MTRR: variants seen among roughly 807,000 people sequenced by gnomAD.
MTRR encodes 5-methyltetrahydrofolate-homocysteine methyltransferase reductase.
Under a neutral mutation model 79.2 loss-of-function variants are expected in MTRR, and 63 were observed. The ratio of observed to expected loss-of-function variants is 0.80; its 90% CI spans 0.65 to 0.98. MTRR has a LOEUF of 0.98. MTRR is among the 50% of genes least tolerant of loss of function. MTRR has a pLI of 0.00. For synonymous variants in MTRR, 355 were observed against 313.3 expected, an observed-to-expected ratio of 1.13 and a Z score of -1.41; for missense variants, 895 against 839.6, an observed-to-expected ratio of 1.07 and a Z score of -0.82.
At chr5:7,861,750 T>C in intron 1 of MTRR, 1 of 1,504,294 alleles carries the variant, frequency 6.6e-7, no homozygotes. Flanking sequence ...CCTTCCACCT[T>C]GCATTGATCA....
chr5:7,877,503 CAAA>C (rs11324670), intron 4 of MTRR, among the ~76,000 whole-genome samples: 12 of 100,472 alleles, frequency 1.2e-4, no homozygotes, highest in African/African-American at 1.8e-4. Flanking sequence ...ATTGGCTAGG[CAAA>C]AAAAAAAAAA....
At chr5:7,871,421 A>T (rs1747981566) in intron 2 of MTRR, among the ~76,000 whole-genome samples, 1 of 152,208 alleles carries the variant, frequency 6.6e-6, no homozygotes, top group Non-Finnish European at 1.5e-5. Flanking sequence ...CTAGTTGTTT[A>T]TGTTCAGTCT....
upstream of MTRR, chr5:7,867,177 G>A (rs1179906612): frequency 6.2e-7 from 1 of 1,614,122 alleles, no homozygotes. Flanking sequence ...AGAACCACCA[G>A]GGCAGTGAGC....
At chr5:7,856,131 T>C (rs1383909028) in intron 1 of MTRR, among the ~76,000 whole-genome samples, 1 of 152,166 alleles carries the variant, frequency 6.6e-6, no homozygotes, top group Non-Finnish European at 1.5e-5. Flanking sequence ...AAGAAGCCGA[T>C]TCAGGTCCCT....
intron 6 of MTRR, 113 bp downstream of exon 6, chr5:7,883,390 G>T: frequency 2.9e-6 from 4 of 1,402,512 alleles, no homozygotes; most frequent in East Asian, 2.5e-5. Context: ...TACATATGCT[G>T]AGTTGTGTGC....
In MTRR at chr5:7,892,821, T is replaced by C. The variant is rs770232997; in HGVS notation, c.1465T>C (p.Cys489Arg). ...AACAGAGGTTCTGCGGAAGGGAGTA[T>C]GTACAGGCTGGCTGGCCTTGTTGGT... ...ATTEVLRKGV[C>R]TGWLALLVAS... Residue 489 changes from cysteine to arginine, a missense_variant, in exon 11 of 15, where the codon TGT (cysteine) becomes CGT (arginine). By Grantham distance (180) the Cys-to-Arg change is radical. Transcript: ENST00000440940. The C allele has an allele frequency of 6.2e-7, 1 of 1,614,212 alleles. No individual in the cohort carries two copies. The highest frequency in any genetic ancestry group is 8.5e-7 in the Non-Finnish European group (1 of 1,180,030).
At chr5:7,889,416 G>T (rs1255055025) in intron 9 of MTRR, 141 bp downstream of exon 9, 3 of 880,960 alleles carry the variant, frequency 3.4e-6, no homozygotes, top group East Asian at 5.3e-5. Flanking sequence ...ATGAATGGTG[G>T]TGATTGGTAA....
intron 8 of MTRR, among the ~76,000 whole-genome samples, chr5:7,888,171 G>C (rs796365979): frequency 2.6e-4 from 39 of 152,178 alleles, no homozygotes; most frequent in African/African-American, 8.9e-4. Flanking sequence ...CTTACTTGAA[G>C]TATATTTGTA....
chr5:7,853,331 C>T (rs568019685), intron 1 of MTRR, among the ~76,000 whole-genome samples: 11 of 152,236 alleles, frequency 7.2e-5, no homozygotes, highest in Non-Finnish European at 1.3e-4. Context: ...TGCTTTCTGC[C>T]GTGATTGTAA....
chr5:7,885,614 T>C, intron 6 of MTRR, 87 bp from the exon 7 acceptor site: 5 of 1,267,302 alleles, frequency 3.9e-6, no homozygotes, highest in Non-Finnish European at 5.6e-6. Flanking sequence ...AATCATAATA[T>C]TGAAAACTAT....
rs202195725 is a variant in MTRR, at chr5:7,862,758, CAT to C, written n.498+706_498+707del. 1.2e-3 allele frequency: 1,630 copies of C among 1,367,972 alleles called. 11 individuals are homozygous for C. In the African/African-American group the frequency reaches 0.018, roughly 15 times the overall value. The allele number at this position is 1,367,972 out of a possible 1,614,324, so 84.7% of individuals were successfully genotyped here. A position where few individuals can be genotyped will look rare whatever the true frequency, so the allele number is the denominator to read the frequency against. On this transcript the variant is annotated intron_variant and non_coding_transcript_variant, in intron 2 of 3. Coordinates refer to the MTRR transcript ENST00000502509. ...GAGAACTTCTATTGCTTCTAAGTCC[CAT>C]ATATCTCCAAAATCGAACAGGATGC...
intron 7 of MTRR, among the ~76,000 whole-genome samples, chr5:7,886,279 T>G (rs1277763350): frequency 6.6e-6 from 1 of 152,174 alleles, no homozygotes; most frequent in African/African-American, 2.4e-5. Flanking sequence ...ATTATTTACT[T>G]AGAATCTTGA....
At chr5:7,872,901 C>CT (rs1344291289) in intron 2 of MTRR, among the ~76,000 whole-genome samples, 3 of 152,156 alleles carry the variant, frequency 2.0e-5, no homozygotes, top group African/African-American at 7.2e-5. Context: ...CTTGGCAGCT[C>CT]ATCACAGTGC....
At chr5:7,869,933 G>A in intron 1 of MTRR, 1 of 532,968 alleles carries the variant, frequency 1.9e-6, no homozygotes, top group Non-Finnish European at 2.4e-6. Flanking sequence ...TTTCATGCCA[G>A]GTGCCGTTCT....
intron 2 of MTRR, 88 bp from the exon 3 acceptor site, chr5:7,873,285 C>T: frequency 6.5e-7 from 1 of 1,531,344 alleles, no homozygotes; most frequent in Non-Finnish European, 9.0e-7. Flanking sequence ...AAATACAAGA[C>T]AGGAAACTAA....
chr5:7,890,482 A>AT lies in MTRR; in HGVS notation c.1328-884dup, dbSNP rs200556323. 6.2e-5 allele frequency: 56 copies of AT among 909,138 alleles called. No homozygotes were observed. In the East Asian group the frequency reaches 5.3e-3, roughly 86 times the overall value. 56.3% of individuals were successfully genotyped at this position (909,138 alleles called of 1,614,324 possible). On this transcript the variant is annotated intron_variant, in intron 9 of 14. Coordinates refer to ENST00000440940, the MANE Select transcript of MTRR (RefSeq NM_002454.3). ...TAATTTATTTCAATTCTTTTCGTAG[A>AT]TTTTTTGTTACCTTTTAGAATGTTA... is the stretch of plus-strand genomic sequence containing the variant.
chr5:7,861,710 CTGTATT>C, intron 1 of MTRR: 1 of 1,569,670 alleles, frequency 6.4e-7, no homozygotes. Flanking sequence ...CACTATCTTC[CTGTATT>C]CATTCCTTTG....
intron 11 of MTRR, 159 bp downstream of exon 11, chr5:7,893,072 T>A: frequency 1.3e-6 from 1 of 766,180 alleles, no homozygotes; most frequent in Non-Finnish European, 2.1e-6. Context: ...GAAAACTGTT[T>A]ACTTCCATGT....
At chr5:7,897,788 T>C (rs368036664) in intron 14 of MTRR, among the ~76,000 whole-genome samples, 164 of 152,332 alleles carry the variant, frequency 1.1e-3, no homozygotes, top group Middle Eastern at 3.4e-3. Context: ...AAAAATTGTT[T>C]AACGCTTATT....
Sources: allele counts gnomAD v4.1 joint callset (sites outside exome capture counted in the v4.1 genomes callset), GRCh38; gene constraint gnomAD v4.1.1; transcripts MANE v1.5; gene names NCBI Gene and HGNC (gene_info 2026-07-23, HGNC 2026-07-21).